The following RBFOX2 variants were observed in gnomAD, a reference collection of about 807,000 sequenced individuals.
RBFOX2 encodes the protein RNA binding protein fox-1 homolog 2.
Under a neutral mutation model 49.1 loss-of-function variants are expected in RBFOX2, and 10 were observed. That is an observed-to-expected ratio of 0.20 (90% CI 0.13 to 0.35). The LOEUF is 0.35. Ranked by LOEUF, RBFOX2 falls within the 10% of genes least tolerant of loss-of-function variation. The pLI is 1.00. For missense variants in RBFOX2, 323 were observed against 486.9 expected, an observed-to-expected ratio of 0.66 and a Z score of 3.17; for synonymous variants, 183 against 187.4, an observed-to-expected ratio of 0.98 and a Z score of 0.19.
At chr22:35,964,207 C>T (rs1388667587), upstream of RBFOX2, among the ~76,000 whole-genome samples, 1 of 152,098 alleles carries the variant, frequency 6.6e-6, no homozygotes, top group African/African-American at 2.4e-5. Context: ...CACTTAGCTT[C>T]CTATTTTCAG....
chr22:35,898,487 G>A (rs1415169866), intron 1 of RBFOX2: 7 of 354,056 alleles, frequency 2.0e-5, no homozygotes, highest in South Asian at 9.0e-5. Context: ...GTGCAGTGGC[G>A]TGATCTCGAC....
At chr22:35,948,187 A>T (rs1273452778) in intron 1 of RBFOX2, among the ~76,000 whole-genome samples, 1 of 152,190 alleles carries the variant, frequency 6.6e-6, no homozygotes, top group African/African-American at 2.4e-5. Flanking sequence ...TGCTGTACAG[A>T]TGTGCAGCCT....
intron 2 of RBFOX2, among the ~76,000 whole-genome samples, chr22:35,800,345 A>C (rs1949541017): frequency 2.0e-5 from 3 of 152,188 alleles, no homozygotes; most frequent in African/African-American, 7.2e-5. Context: ...AATTCTGCTC[A>C]CTTCATTTAC....
exon 12 of RBFOX2, chr22:35,741,115 T>C (rs892869053): frequency 6.6e-6 from 1 of 152,196 alleles, no homozygotes; most frequent in East Asian, 1.9e-4. Context: ...TGAATCACAA[T>C]GGCTGATCTG....
chr22:35,946,781 G>A (rs970367587), intron 1 of RBFOX2, among the ~76,000 whole-genome samples: 1 of 152,210 alleles, frequency 6.6e-6, no homozygotes, highest in African/African-American at 2.4e-5. Context: ...CAGAATGAAT[G>A]AGAATACCTC....
chr22:35,821,138 T>C (rs1279215232), intron 1 of RBFOX2, among the ~76,000 whole-genome samples: 1 of 152,254 alleles, frequency 6.6e-6, no homozygotes, highest in Non-Finnish European at 1.5e-5. Flanking sequence ...TTTTTCATAT[T>C]TGAAGTTCAT....
intron 1 of RBFOX2, among the ~76,000 whole-genome samples, chr22:35,971,714 C>G (rs531821507): frequency 6.6e-6 from 1 of 151,994 alleles, no homozygotes; most frequent in African/African-American, 2.4e-5. Context: ...CAACATGAGA[C>G]GGTTGCTCTT....
chr22:35,797,759 G>A (rs1009261564), intron 2 of RBFOX2, among the ~76,000 whole-genome samples: 10 of 152,164 alleles, frequency 6.6e-5, no homozygotes, highest in South Asian at 2.1e-4. Context: ...TAGCTCCCTC[G>A]ACCCAGACTC....
At chr22:35,814,726 A>G (rs1441752255) in intron 1 of RBFOX2, among the ~76,000 whole-genome samples, 1 of 150,312 alleles carries the variant, frequency 6.7e-6, no homozygotes, top group Non-Finnish European at 1.5e-5. Context: ...AAAAAAAAAA[A>G]AAAAAAAAAA....
chr22:36,000,005 A>ATATATTT (rs10625815), intron 1 of RBFOX2: 2 of 118,982 alleles, frequency 1.7e-5, no homozygotes, highest in East Asian at 2.2e-4. Context: ...ATATATATAT[A>ATATATTT]TTTTTTTTTT....
chr22:35,814,435 A>G (rs751481597), intron 1 of RBFOX2, among the ~76,000 whole-genome samples: 30 of 152,044 alleles, frequency 2.0e-4, no homozygotes, highest in Admixed American at 4.6e-4. Flanking sequence ...AAGGCCCTGC[A>G]TGGTGGCTCA....
intron 2 of RBFOX2, among the ~76,000 whole-genome samples, chr22:35,785,477 C>T (rs997650493): frequency 4.3e-4 from 66 of 152,200 alleles, no homozygotes; most frequent in African/African-American, 1.5e-3. Context: ...GAGTCCCCAA[C>T]AGATTCTTCT....
chr22:35,879,767 C>A (rs2149274288), intron 1 of RBFOX2, among the ~76,000 whole-genome samples: 1 of 152,236 alleles, frequency 6.6e-6, no homozygotes, highest in South Asian at 2.1e-4. Flanking sequence ...AGAATAAATT[C>A]TTCAGTGTCA....
chr22:35,855,747 G>A lies in RBFOX2; in HGVS notation c.-33-45743C>T, dbSNP rs147100599. Among the ~76,000 whole-genome samples the A allele has an allele frequency of 2.1e-3, 326 of 152,100 alleles. 6 individuals carry two copies. Among genetic ancestry groups the A allele is most frequent in the Middle Eastern group, 3.4e-3 (1 of 294 alleles). On this transcript the variant is annotated intron_variant, in intron 1 of 13. Coordinates refer to the RBFOX2 transcript ENST00000359369. ...CAACATAAGTTTTAACACTTGGGTC[G>A]GGCACAGTGGGTCACACCTGTAATC...
chr22:35,858,600 T>A (rs2042768895), intron 1 of RBFOX2, among the ~76,000 whole-genome samples: 1 of 151,748 alleles, frequency 6.6e-6, no homozygotes, highest in Non-Finnish European at 1.5e-5. Context: ...TCGAGGTGGG[T>A]GGATCATTTG....
intron 1 of RBFOX2, among the ~76,000 whole-genome samples, chr22:35,947,815 T>C (rs1399363141): frequency 6.6e-6 from 1 of 151,850 alleles, no homozygotes; most frequent in Non-Finnish European, 1.5e-5. Flanking sequence ...ATCAAAAAGT[T>C]AAAAAAATTT....
At chr22:36,028,007 G>A (rs1010581550) in intron 1 of RBFOX2, among the ~76,000 whole-genome samples, 1 of 151,556 alleles carries the variant, frequency 6.6e-6, no homozygotes, top group Non-Finnish European at 1.5e-5. Flanking sequence ...TCCACTCGTC[G>A]TGCCTCCTGG....
chr22:36,009,195 G>C (rs1364751561), intron 1 of RBFOX2, among the ~76,000 whole-genome samples: 1 of 152,160 alleles, frequency 6.6e-6, no homozygotes, highest in Non-Finnish European at 1.5e-5. Context: ...CCCGTGCTTT[G>C]TGCTATAACA....
intron 1 of RBFOX2, among the ~76,000 whole-genome samples, chr22:35,984,315 G>T (rs1248092324): frequency 6.6e-6 from 1 of 152,256 alleles, no homozygotes; most frequent in South Asian, 2.1e-4. Flanking sequence ...ACGCACAGTT[G>T]GCTAATATTG....
Sources: allele counts gnomAD v4.1 joint callset (sites outside exome capture counted in the v4.1 genomes callset), GRCh38; gene constraint gnomAD v4.1.1; transcripts MANE v1.5; gene names NCBI Gene and HGNC (gene_info 2026-07-23, HGNC 2026-07-21).